Variants in RPAP2 observed in about 807,000 individuals in gnomAD.
The protein encoded by RPAP2 is putative RNA polymerase II subunit B1 CTD phosphatase RPAP2.
Under a neutral mutation model 73.1 loss-of-function variants are expected in RPAP2, and 52 were observed. The ratio of observed to expected loss-of-function variants is 0.71; its 90% CI spans 0.57 to 0.90. The LOEUF is 0.90. Ranked by LOEUF, RPAP2 falls within the 40% of genes least tolerant of loss-of-function variation. The probability of loss-of-function intolerance (pLI) is 0.00; values close to 1 mark genes in which losing one functional copy is unlikely to be tolerated. For synonymous variants in RPAP2, 225 were observed against 242.1 expected, an observed-to-expected ratio of 0.93 and a Z score of 0.65; for missense variants, 598 against 701.8, an observed-to-expected ratio of 0.85 and a Z score of 1.67.
Position 92,396,814 on chromosome 1 carries a change from A to G in RPAP2, c.*9803A>G, listed in dbSNP as rs1365048540. ...TGCCACCATGCCCGGCTAATTTTGTATTTTTAGTAGAGACAGGTTTTCTCC... is the reference window on the plus strand; with the variant it reads ...TGCCACCATGCCCGGCTAATTTTGTGTTTTTAGTAGAGACAGGTTTTCTCC... On this transcript the variant is annotated 3_prime_UTR_variant, in exon 13 of 13. Coordinates refer to ENST00000610020, the MANE Select transcript of RPAP2 (RefSeq NM_024813.3). 6.6e-6 allele frequency: 1 copy of G among 151,972 alleles called. No individual in the cohort carries two copies. Among genetic ancestry groups the G allele is most frequent in the Non-Finnish European group, 1.5e-5 (1 of 68,044 alleles). 9.4% of individuals were successfully genotyped at this position (151,972 alleles called of 1,614,324 possible).
intron 10 of RPAP2, among the ~76,000 whole-genome samples, chr1:92,343,783 C>T (rs1029621048): frequency 5.3e-5 from 8 of 152,060 alleles, no homozygotes; most frequent in African/African-American, 1.9e-4. Flanking sequence ...AAAAGAAAAA[C>T]ATATAGCAGA....
intron 6 of RPAP2, among the ~76,000 whole-genome samples, chr1:92,314,900 C>G (rs1052263385): frequency 6.6e-6 from 1 of 151,352 alleles, no homozygotes. Flanking sequence ...CAAAAATTAA[C>G]CGGGCATGGT....
At chr1:92,304,394 A>G (rs1241689279) in intron 5 of RPAP2, 45 bp downstream of exon 5, 2 of 1,066,068 alleles carry the variant, frequency 1.9e-6, no homozygotes, top group South Asian at 2.9e-5. Flanking sequence ...TTTTTTCTTT[A>G]CTAACCACTA....
intron 11 of RPAP2, among the ~76,000 whole-genome samples, chr1:92,363,439 C>T (rs780397111): frequency 6.6e-6 from 1 of 152,188 alleles, no homozygotes; most frequent in Non-Finnish European, 1.5e-5. Context: ...AAGAAAAGAA[C>T]AGCGTGGCTG....
At chr1:92,375,429 T>C (rs1252859611) in intron 11 of RPAP2, among the ~76,000 whole-genome samples, 12 of 152,180 alleles carry the variant, frequency 7.9e-5, no homozygotes, top group Non-Finnish European at 1.5e-5. Flanking sequence ...GTGCAGTGGC[T>C]CACACCTGTA....
At chr1:92,331,426 T>C (rs1458625249) in intron 8 of RPAP2, among the ~76,000 whole-genome samples, 1 of 152,210 alleles carries the variant, frequency 6.6e-6, no homozygotes, top group African/African-American at 2.4e-5. Flanking sequence ...TTTTCTCTCT[T>C]GCTTTCTTTT....
intron 11 of RPAP2, among the ~76,000 whole-genome samples, chr1:92,359,925 C>A (rs1654650991): frequency 6.6e-6 from 1 of 152,154 alleles, no homozygotes; most frequent in Non-Finnish European, 1.5e-5. Context: ...GGGAAACAGA[C>A]ACTTTGAGCA....
At chr1:92,334,999 T>C (rs1029928994) in intron 9 of RPAP2, among the ~76,000 whole-genome samples, 7 of 151,136 alleles carry the variant, frequency 4.6e-5, no homozygotes, top group African/African-American at 1.2e-4. Flanking sequence ...AAAAAATAAA[T>C]AAAAATAAAA....
At chr1:92,373,497 G>C (rs1655239609) in intron 11 of RPAP2, among the ~76,000 whole-genome samples, 1 of 152,042 alleles carries the variant, frequency 6.6e-6, no homozygotes, top group South Asian at 2.1e-4. Flanking sequence ...ATATCCTAGA[G>C]CTAAACGGTT....
intron 11 of RPAP2, among the ~76,000 whole-genome samples, chr1:92,378,709 C>G (rs1173589017): frequency 6.6e-6 from 1 of 152,146 alleles, no homozygotes; most frequent in African/African-American, 2.4e-5. Context: ...GTTAGCTTCT[C>G]GGTTCCATCT....
intron 6 of RPAP2, among the ~76,000 whole-genome samples, chr1:92,317,931 C>T (rs972871837): frequency 6.6e-6 from 1 of 152,168 alleles, no homozygotes; most frequent in African/African-American, 2.4e-5. Context: ...TTGTTTGGAA[C>T]TATTCTGCCT....
At chr1:92,332,201 G>A (rs571104123) in intron 8 of RPAP2, among the ~76,000 whole-genome samples, 1 of 151,188 alleles carries the variant, frequency 6.6e-6, no homozygotes, top group Non-Finnish European at 1.5e-5. Flanking sequence ...CTTCATTCTG[G>A]ATATTTTCTT....
intron 11 of RPAP2, among the ~76,000 whole-genome samples, chr1:92,371,898 A>AAG (rs1439513497): frequency 6.6e-6 from 1 of 151,278 alleles, no homozygotes; most frequent in African/African-American, 2.4e-5. Context: ...TCAAAAAAAA[A>AAG]AAAAAAAAAA....
At position 92,400,703 on chromosome 1, in the gene RPAP2, C is replaced by T. The variant is rs567431098; in HGVS notation, c.*13692C>T. 15 of 152,146 alleles carry T rather than the reference C, an allele frequency of 9.9e-5. No homozygotes were observed. Among genetic ancestry groups the T allele is most frequent in the African/African-American group, 3.4e-4 (14 of 41,516 alleles). 9.4% of individuals were successfully genotyped at this position (152,146 alleles called of 1,614,324 possible). ...CACAATTAGTTTTAGGTTGGGAGAC[C>T]GTGAACCCACCAAGCAGCCCTTTAG... On this transcript the variant is annotated 3_prime_UTR_variant, in exon 13 of 13. Transcript: ENST00000610020.
At chr1:92,307,505 A>T (rs1398883839) in intron 6 of RPAP2, among the ~76,000 whole-genome samples, 1 of 152,208 alleles carries the variant, frequency 6.6e-6, no homozygotes, top group African/African-American at 2.4e-5. Context: ...TTTAATTGCA[A>T]AATCAGAACT....
At chr1:92,363,894 C>T (rs1654828189) in intron 11 of RPAP2, 1 of 163,208 alleles carries the variant, frequency 6.1e-6, no homozygotes, top group Non-Finnish European at 1.3e-5. Flanking sequence ...AAGCATATAA[C>T]ATAAAATATG....
chr1:92,397,262 T>C lies in RPAP2; in HGVS notation c.*10251T>C, dbSNP rs1571166261. ...AAAATTAGCCAGGCATGGCGGTGTA[T>C]GCCTGGAGTCCCAGCTACTCAGGAG... On this transcript the variant is annotated 3_prime_UTR_variant, in exon 13 of 13. Transcript: ENST00000610020. 1 of 152,174 alleles carries C rather than the reference T, an allele frequency of 6.6e-6. No individual in the cohort carries two copies. Among genetic ancestry groups the C allele is most frequent in the Admixed American group, 6.5e-5 (1 of 15,270 alleles). 9.4% of individuals were successfully genotyped at this position (152,174 alleles called of 1,614,324 possible). A position where few individuals can be genotyped will look rare whatever the true frequency, so the allele number is the denominator to read the frequency against.
intron 11 of RPAP2, among the ~76,000 whole-genome samples, chr1:92,355,964 C>T (rs150895345): frequency 2.2e-4 from 34 of 152,084 alleles, no homozygotes; most frequent in African/African-American, 7.5e-4. Flanking sequence ...AAAAGGAGAA[C>T]GTGGAGTGGT....
chr1:92,316,003 A>G (rs1557595979), intron 6 of RPAP2, among the ~76,000 whole-genome samples: 2 of 152,366 alleles, frequency 1.3e-5, no homozygotes, highest in Admixed American at 1.3e-4. Flanking sequence ...GTGTGCTCAC[A>G]TAGGTAATTA....
Sources: gnomAD v4.1 joint callset for allele counts (sites outside exome capture counted in the v4.1 genomes callset) on GRCh38, gnomAD v4.1.1 for gene constraint, MANE v1.5 for transcripts, NCBI Gene and HGNC (gene_info 2026-07-23, HGNC 2026-07-21) for gene names.